The following THRB variants were observed in gnomAD, a reference collection of about 807,000 sequenced individuals.
THRB encodes the protein thyroid hormone receptor beta.
THRB carries 12 observed loss-of-function variants against 47.8 expected under a neutral mutation model. The ratio of observed to expected loss-of-function variants is 0.25; its 90% CI spans 0.16 to 0.41. The LOEUF (loss-of-function observed/expected upper bound fraction) is 0.41. Ranked by LOEUF, THRB falls within the 10% of genes least tolerant of loss-of-function variation. The pLI is 1.00. For synonymous variants in THRB, 218 were observed against 212.2 expected, an observed-to-expected ratio of 1.03 and a Z score of -0.24; for missense variants, 348 against 589.2, an observed-to-expected ratio of 0.59 and a Z score of 4.24.
chr3:24,236,958 C>T (rs182934443), intron 3 of THRB, among the ~76,000 whole-genome samples: 163 of 152,288 alleles, frequency 1.1e-3, no homozygotes, highest in Middle Eastern at 0.01. Context: ...GTTTTCAAAT[C>T]ATACCACGCT....
At chr3:24,351,032 A>G (rs2063326356) in intron 1 of THRB, among the ~76,000 whole-genome samples, 1 of 151,770 alleles carries the variant, frequency 6.6e-6, no homozygotes, top group Non-Finnish European at 1.5e-5. Context: ...AGTTTTCAGG[A>G]TTTTCTGTAA....
At chr3:24,149,005 G>C (rs2036516080) in intron 6 of THRB, among the ~76,000 whole-genome samples, 1 of 152,184 alleles carries the variant, frequency 6.6e-6, no homozygotes, top group South Asian at 2.1e-4. Flanking sequence ...CACACGCAGG[G>C]CAGTTGTTGG....
intron 5 of THRB, among the ~76,000 whole-genome samples, chr3:24,184,077 T>C (rs1008310876): frequency 1.4e-5 from 2 of 145,934 alleles, no homozygotes; most frequent in African/African-American, 5.1e-5. Flanking sequence ...CACAATTATA[T>C]AGACTTTTAA....
chr3:24,407,285 C>T (rs989299850), intron 1 of THRB, among the ~76,000 whole-genome samples: 4 of 151,702 alleles, frequency 2.6e-5, no homozygotes, highest in Admixed American at 6.6e-5. Context: ...TTATGAATTC[C>T]GCAATTGCTG....
At chr3:24,305,725 C>T (rs2057290071) in intron 2 of THRB, among the ~76,000 whole-genome samples, 1 of 152,166 alleles carries the variant, frequency 6.6e-6, no homozygotes, top group Non-Finnish European at 1.5e-5. Context: ...CCATTCTTAT[C>T]TCATTTCCCT....
At chr3:24,456,262 G>C (rs747617435) in intron 1 of THRB, among the ~76,000 whole-genome samples, 11 of 151,896 alleles carry the variant, frequency 7.2e-5, no homozygotes, top group Non-Finnish European at 1.5e-4. Flanking sequence ...TTGACCCCAG[G>C]AGGTGGAGGC....
chr3:24,387,659 C>T (rs373228604), intron 1 of THRB, among the ~76,000 whole-genome samples: 1 of 152,048 alleles, frequency 6.6e-6, no homozygotes, highest in African/African-American at 2.4e-5. Flanking sequence ...GCACATGTTG[C>T]AAAAATGAGT....
intron 1 of THRB, among the ~76,000 whole-genome samples, chr3:24,345,149 A>T (rs1268286276): frequency 6.6e-6 from 1 of 152,150 alleles, no homozygotes; most frequent in East Asian, 1.9e-4. Flanking sequence ...ATACGGTGCA[A>T]CTATCAAGCT....
chr3:24,203,973 T>C (rs975486402), intron 4 of THRB, among the ~76,000 whole-genome samples: 1 of 152,240 alleles, frequency 6.6e-6, no homozygotes, highest in Admixed American at 6.5e-5. Flanking sequence ...GCACCCGCCA[T>C]TGCTGAGGCT....
At position 24,322,899 on chromosome 3, in the gene THRB, T is replaced by G. The variant is rs551334124; in HGVS notation, c.-189+14401A>C. On this transcript the variant is annotated intron_variant, in intron 2 of 10. Transcript: ENST00000646209. The stretch of plus-strand genomic sequence containing the variant: ...TCTCCTACCTAATATCCTGCCACCT[T>G]TTGTAACACAAACACGATTTGGGTG... Among the ~76,000 whole-genome samples the G allele has an allele frequency of 7.9e-5, 12 of 152,320 alleles. No homozygotes were observed. In the East Asian group the frequency reaches 2.1e-3, roughly 27 times the overall value.
At chr3:24,261,327 C>T (rs916341760) in intron 3 of THRB, among the ~76,000 whole-genome samples, 1 of 151,832 alleles carries the variant, frequency 6.6e-6, no homozygotes, top group African/African-American at 2.4e-5. Flanking sequence ...ATGGTGAAAC[C>T]CCGTCTACTA....
chr3:24,149,298 A>G (rs557972537), intron 6 of THRB, among the ~76,000 whole-genome samples: 2 of 152,324 alleles, frequency 1.3e-5, no homozygotes, highest in Admixed American at 6.5e-5. Context: ...CAAGACATCC[A>G]GTAAGAATGC....
At chr3:24,482,269 A>G (rs1696554070) in intron 1 of THRB, among the ~76,000 whole-genome samples, 1 of 152,184 alleles carries the variant, frequency 6.6e-6, no homozygotes, top group South Asian at 2.1e-4. Context: ...TGTCCTGGCT[A>G]AGCAGTTTAT....
intron 5 of THRB, among the ~76,000 whole-genome samples, chr3:24,152,866 G>A (rs1404604649): frequency 6.6e-6 from 1 of 151,698 alleles, no homozygotes; most frequent in African/African-American, 2.4e-5. Flanking sequence ...GGAGGCTGAG[G>A]CAAGATAATC....
chr3:24,246,175 T>C (rs1362807201), intron 3 of THRB, among the ~76,000 whole-genome samples: 1 of 152,192 alleles, frequency 6.6e-6, no homozygotes, highest in African/African-American at 2.4e-5. Context: ...TAGTAAGTGC[T>C]CAATAAATGT....
intron 10 of THRB, among the ~76,000 whole-genome samples, chr3:24,126,972 G>C (rs1263737054): frequency 6.6e-6 from 1 of 152,196 alleles, no homozygotes; most frequent in Non-Finnish European, 1.5e-5. Flanking sequence ...CATAGAGGGA[G>C]GCCTGAACCA....
intron 3 of THRB, among the ~76,000 whole-genome samples, chr3:24,293,917 A>G (rs1008282443): frequency 1.3e-5 from 2 of 152,156 alleles, no homozygotes; most frequent in Non-Finnish European, 1.5e-5. Context: ...TGGTACTTGG[A>G]TTTCCAGTGT....
chr3:24,300,524 T>C (rs1262036015), intron 2 of THRB, among the ~76,000 whole-genome samples: 2 of 152,226 alleles, frequency 1.3e-5, no homozygotes, highest in African/African-American at 4.8e-5. Context: ...CACAGAATCT[T>C]GCATATCAAT....
intron 2 of THRB, among the ~76,000 whole-genome samples, chr3:24,329,112 A>C (rs1233832291): frequency 6.6e-6 from 1 of 151,578 alleles, no homozygotes; most frequent in Non-Finnish European, 1.5e-5. Context: ...ATGCCCCTCT[A>C]ATTTTTTGAT....
Sources: gnomAD v4.1 joint callset for allele counts (sites outside exome capture counted in the v4.1 genomes callset) on GRCh38, gnomAD v4.1.1 for gene constraint, MANE v1.5 for transcripts, NCBI Gene and HGNC (gene_info 2026-07-23, HGNC 2026-07-21) for gene names.